The following PCDHGB2 variants were observed in gnomAD, a reference collection of about 807,000 sequenced individuals.
The protein encoded by PCDHGB2 is protocadherin gamma-B2.
Under a neutral mutation model 59.3 loss-of-function variants are expected in PCDHGB2, and 55 were observed. That is an observed-to-expected ratio of 0.93 (90% CI 0.75 to 1.16). PCDHGB2 has a LOEUF of 1.16. Among genes scored for constraint, PCDHGB2 ranks in the 50% most tolerant of loss-of-function variants. The pLI is 0.00. For missense variants in PCDHGB2, 1,228 were observed against 1,198.5 expected (o/e 1.02, Z -0.36); for synonymous variants, 516 against 512.0 (o/e 1.01, Z -0.11).
chr5:141,398,189 T>A (rs926901002), intron 1 of PCDHGB2: 41 of 1,482,238 alleles, frequency 2.8e-5, no homozygotes, highest in Non-Finnish European at 3.5e-5. Context: ...TTTCTCTTCC[T>A]GCTGTCTTTG....
chr5:141,511,288 C>G lies in PCDHGB2; in HGVS notation c.*115C>G. ...CTAACCCCCAGAATACTGGTAGGGG[C>G]CAAGGCCATGCTCCCCTTGGGAAAC... On this transcript the variant is annotated 3_prime_UTR_variant, in exon 4 of 4. Transcript: ENST00000522605. 6.6e-7 allele frequency: 1 copy of G among 1,518,266 alleles called. No homozygotes were observed. The highest frequency in any genetic ancestry group is 8.9e-7 in the Non-Finnish European group (1 of 1,129,706). The allele number at this position is 1,518,266 out of a possible 1,614,324, so 94.0% of individuals were successfully genotyped here.
chr5:141,399,955 C>G, intron 1 of PCDHGB2: 1 of 1,612,146 alleles, frequency 6.2e-7, no homozygotes. Flanking sequence ...GGCTAGCGAG[C>G]CCGGGCTCTT....
chr5:141,439,190 CA>C (rs200519543), intron 1 of PCDHGB2, among the ~76,000 whole-genome samples: 2,445 of 111,432 alleles, frequency 0.022, 39 homozygotes, highest in African/African-American at 0.057. Flanking sequence ...GAGACTCTGA[CA>C]AAAAAAAAAA....
At chr5:141,437,778 G>C (rs750813139) in intron 1 of PCDHGB2, among the ~76,000 whole-genome samples, 1 of 146,836 alleles carries the variant, frequency 6.8e-6, no homozygotes, top group Non-Finnish European at 1.5e-5. Flanking sequence ...TCAATCTGTC[G>C]CCAAGCTGGA....
intron 1 of PCDHGB2, among the ~76,000 whole-genome samples, chr5:141,420,713 G>GT (rs1303648273): frequency 3.3e-5 from 5 of 152,078 alleles, no homozygotes; most frequent in African/African-American, 1.2e-4. Context: ...CAGAAATGTC[G>GT]TTCCTTTCAG....
At position 141,491,267 on chromosome 5, in the gene PCDHGB2, A is replaced by C. The variant is rs1376540913; in HGVS notation, c.2422-3540A>C. ...GATGAGGACCCTGAGGAAATGCCCA[A>C]ATCCAGTGACTTCCTCATACACCCT... On this transcript the variant is annotated intron_variant, in intron 1 of 3. Coordinates refer to ENST00000522605, the MANE Select transcript of PCDHGB2 (RefSeq NM_018923.3). This position sits in a 1 kb window ranked among gnomAD's most constrained non-coding sequence, Gnocchi z 6.9. The C allele has an allele frequency of 2.5e-6, 4 of 1,613,944 alleles. No individual in the cohort carries two copies. The highest frequency in any genetic ancestry group is 3.4e-6 in the Non-Finnish European group (4 of 1,179,936).
chr5:141,374,413 C>G (rs773364230), intron 1 of PCDHGB2: 3 of 1,613,856 alleles, frequency 1.9e-6, no homozygotes, highest in Admixed American at 3.3e-5. Context: ...ACATCCTTGT[C>G]GAGGATAAAC....
chr5:141,398,915 A>G, intron 1 of PCDHGB2: 1 of 1,614,002 alleles, frequency 6.2e-7, no homozygotes, highest in Non-Finnish European at 8.5e-7. Context: ...ACTGTGTTGC[A>G]AGTGTCAGCC....
At chr5:141,383,385 G>T (rs1779091849) in intron 1 of PCDHGB2, 4 of 1,613,960 alleles carry the variant, frequency 2.5e-6, no homozygotes, top group Non-Finnish European at 3.4e-6. Context: ...ATCCAGATGT[G>T]GGCACGAACT....
In PCDHGB2 at chr5:141,399,285, C is replaced by T. The variant is rs751998465; in HGVS notation, c.2421+36729C>T. 3 of 1,613,720 alleles carry T rather than the reference C, an allele frequency of 1.9e-6. No homozygotes were observed. In the African/African-American group the frequency reaches 4.0e-5, roughly 22 times the overall value. ...TTAATTGTCAATTACAAGGCGAAGTCCCTTTTAAGATTATCTCTTCATCCA... is the reference window on the plus strand; with the variant it reads ...TTAATTGTCAATTACAAGGCGAAGTTCCTTTTAAGATTATCTCTTCATCCA... On this transcript the variant is annotated intron_variant, in intron 1 of 3. Coordinates refer to ENST00000522605, the MANE Select transcript of PCDHGB2 (RefSeq NM_018923.3).
rs146615755 is a variant in PCDHGB2 at position 141,486,022 on chromosome 5, T to C, written c.2422-8785T>C. The C allele has an allele frequency of 1.2e-6, 2 of 1,614,030 alleles. No homozygotes were observed. Among genetic ancestry groups the C allele is most frequent in the Non-Finnish European group, 1.7e-6 (2 of 1,180,036 alleles). Reference sequence around the variant, plus strand: ...GTAACGTCACCTTTTATTTCAGTGGTCATACCCCTGATCGTGTAAGAAACC... The same window carrying C: ...GTAACGTCACCTTTTATTTCAGTGGCCATACCCCTGATCGTGTAAGAAACC... On this transcript the variant is annotated intron_variant, in intron 1 of 3. Coordinates refer to ENST00000522605, the MANE Select transcript of PCDHGB2 (RefSeq NM_018923.3). The surrounding 1 kb of genome is among the most constrained non-coding windows in gnomAD (Gnocchi z 5.0).
chr5:141,404,952 G>T, intron 1 of PCDHGB2: 1 of 1,614,030 alleles, frequency 6.2e-7, no homozygotes, highest in Non-Finnish European at 8.5e-7. Flanking sequence ...ATAGCTGACA[G>T]CATCCCAGAC....
In PCDHGB2 at chr5:141,404,090, G is replaced by T. The variant is rs1014506897; in HGVS notation, c.2421+41534G>T. On this transcript the variant is annotated intron_variant, in intron 1 of 3. Transcript: ENST00000522605. ...TCATGACCGAGACTCCGGGAAGAATGGTCAAGTTGTCTGTTCTATCCAGGA... is the reference window on the plus strand; with the variant it reads ...TCATGACCGAGACTCCGGGAAGAATTGTCAAGTTGTCTGTTCTATCCAGGA... 4 of 1,613,262 alleles carry T rather than the reference G, an allele frequency of 2.5e-6. No homozygotes were observed. In the Admixed American group the frequency reaches 6.7e-5, roughly 27 times the overall value.
chr5:141,362,360 A>G lies in PCDHGB2; in HGVS notation c.2225A>G (p.Asn742Ser), dbSNP rs758755542. 153 of 1,613,924 alleles carry G rather than the reference A, an allele frequency of 9.5e-5. No homozygotes were observed. In the South Asian group the frequency reaches 1.3e-3, roughly 14 times the overall value. The change falls in exon 1 of 4, where the codon AAT becomes AGT. Residue 742 changes from asparagine (N) to serine (S), a missense_variant. Around this residue, in one of 3 missense-constraint regions of PCDHGB2, gnomAD observed 433 missense variants for 441.8 expected, o/e 0.98. Transcript: ENST00000522605. ...AAGCCTGGACCTGGGGTTCTCCCCA[A>G]TTACAGTGAGGGTACATTGCCCTAT... ...SSKPGPGVLPNYSEGTLPYSY... is the reference protein window; with the variant it reads ...SSKPGPGVLPSYSEGTLPYSY...
intron 1 of PCDHGB2, chr5:141,371,970 C>T: frequency 6.2e-7 from 1 of 1,613,250 alleles, no homozygotes; most frequent in East Asian, 2.2e-5. Context: ...CGAGCAGCTG[C>T]GTGCCTTCGA....
chr5:141,439,830 C>T (rs2098134193), intron 1 of PCDHGB2: 1 of 152,352 alleles, frequency 6.6e-6, no homozygotes, highest in South Asian at 2.1e-4. Context: ...GCTGGAGCAG[C>T]AGCAACTCTA....
At chr5:141,388,991 C>G in intron 1 of PCDHGB2, 1 of 1,613,976 alleles carries the variant, frequency 6.2e-7, no homozygotes. Flanking sequence ...TGCTCAAAGT[C>G]CGTGACAAGG....
rs1188870363 is a variant in PCDHGB2 at position 141,490,058 on chromosome 5, C to A, written c.2422-4749C>A. 16 of 1,614,230 alleles carry A rather than the reference C, an allele frequency of 9.9e-6. No individual in the cohort carries two copies. In the East Asian group the frequency reaches 3.6e-4, roughly 36 times the overall value. The stretch of plus-strand genomic sequence containing the variant: ...AATGCCACTGATCCAGACGAGGGCA[C>A]CAACGGCCAACTAGACTATTCTTTT... On this transcript the variant is annotated intron_variant, in intron 1 of 3. Coordinates refer to ENST00000522605, the MANE Select transcript of PCDHGB2 (RefSeq NM_018923.3). This position sits in a 1 kb window ranked among gnomAD's most constrained non-coding sequence, Gnocchi z 5.4.
intron 3 of PCDHGB2, among the ~76,000 whole-genome samples, chr5:141,510,373 T>TC (rs112437269): frequency 0.25 from 37,727 of 151,394 alleles, 4,765 homozygotes; most frequent in Admixed American, 0.33. Context: ...GAATCTCTAC[T>TC]CGTGCCAGGC....
Sources: gnomAD v4.1 joint callset for allele counts (sites outside exome capture counted in the v4.1 genomes callset) on GRCh38, gnomAD v4.1.1 for gene constraint, gnomAD v4.1.1 regional missense constraint, Gnocchi (gnomAD v3.1) non-coding constraint, MANE v1.5 for transcripts, NCBI Gene and HGNC (gene_info 2026-07-23, HGNC 2026-07-21) for gene names.